CNTN5: variants seen among roughly 807,000 people sequenced by gnomAD.
CNTN5 encodes the protein contactin 5, also known as contactin-5.
Under a neutral mutation model 129.1 loss-of-function variants are expected in CNTN5, and 77 were observed. The ratio of observed to expected loss-of-function variants is 0.60; its 90% CI spans 0.50 to 0.72. The LOEUF (loss-of-function observed/expected upper bound fraction) is 0.72. Ranked by LOEUF, CNTN5 falls within the 30% of genes least tolerant of loss-of-function variation. CNTN5 has a pLI of 0.00. For synonymous variants in CNTN5, 509 were observed against 465.6 expected (o/e 1.09, Z -1.20); for missense variants, 1,478 against 1,328.8 (o/e 1.11, Z -1.75).
chr11:100,269,544 A>G (rs1950370306), intron 17 of CNTN5, among the ~76,000 whole-genome samples: 1 of 152,156 alleles, frequency 6.6e-6, no homozygotes, highest in Non-Finnish European at 1.5e-5. Context: ...TCTCCGTGAT[A>G]TCTTAAGAGG....
chr11:99,208,922 TTAC>T (rs1859620150), intron 1 of CNTN5, among the ~76,000 whole-genome samples: 1 of 152,132 alleles, frequency 6.6e-6, no homozygotes, highest in South Asian at 2.1e-4. Context: ...AGAAATTAAA[TTAC>T]TATTTATTGA....
chr11:100,345,565 G>T (rs1952261248), intron 23 of CNTN5, among the ~76,000 whole-genome samples: 1 of 135,094 alleles, frequency 7.4e-6, no homozygotes, highest in African/African-American at 3.0e-5. Context: ...CAGAAATTTT[G>T]CTAACAGATA....
At chr11:100,210,174 CAAAA>C (rs59613776) in intron 15 of CNTN5, among the ~76,000 whole-genome samples, 3 of 81,094 alleles carry the variant, frequency 3.7e-5, no homozygotes, top group Non-Finnish European at 2.8e-5. Context: ...TGCCTCTATA[CAAAA>C]AAAAAAAAAA....
intron 2 of CNTN5, among the ~76,000 whole-genome samples, chr11:99,536,611 C>T (rs1295949930): frequency 6.6e-6 from 1 of 151,902 alleles, no homozygotes; most frequent in Non-Finnish European, 1.5e-5. Flanking sequence ...TCCCTCATGC[C>T]TGGGGGAGGA....
At chr11:99,340,320 T>C (rs1866452293) in intron 2 of CNTN5, among the ~76,000 whole-genome samples, 3 of 152,144 alleles carry the variant, frequency 2.0e-5, no homozygotes, top group South Asian at 4.1e-4. Flanking sequence ...CTGAGTTGTC[T>C]GGAGATATAA....
At chr11:99,229,228 C>T (rs1223710844) in intron 1 of CNTN5, among the ~76,000 whole-genome samples, 4 of 152,078 alleles carry the variant, frequency 2.6e-5, no homozygotes, top group African/African-American at 9.6e-5. Flanking sequence ...TTTTTATCCA[C>T]ATACTGTACT....
chr11:99,451,695 A>G, intron 2 of CNTN5, among the ~76,000 whole-genome samples: 1 of 152,180 alleles, frequency 6.6e-6, no homozygotes, highest in East Asian at 1.9e-4. Context: ...TAAGATATTT[A>G]TGAATAATAT....
chr11:99,825,950 A>G (rs1208064596), intron 4 of CNTN5, among the ~76,000 whole-genome samples: 1 of 152,126 alleles, frequency 6.6e-6, no homozygotes, highest in Non-Finnish European at 1.5e-5. Flanking sequence ...TTTCTTTTCA[A>G]ATGTGCAAAA....
chr11:100,289,933 T>C lies in CNTN5; in HGVS notation c.2315-7692T>C, dbSNP rs1950915867. On this transcript the variant is annotated intron_variant, in intron 18 of 24. Coordinates refer to ENST00000524871, the MANE Select transcript of CNTN5 (RefSeq NM_014361.4). ...AAAGTCTCAGGATACAAAATCAATG[T>C]GCAAAAATCACAAGCATTCTTATAC... 2.6e-5 allele frequency among the ~76,000 whole-genome samples: 4 copies of C among 151,668 alleles called. No homozygotes were observed. The South Asian group carries it at 8.4e-4, about 32-fold the overall frequency.
intron 9 of CNTN5, among the ~76,000 whole-genome samples, chr11:100,049,114 CA>C (rs1165559822): frequency 6.6e-6 from 1 of 151,682 alleles, no homozygotes; most frequent in East Asian, 1.9e-4. Context: ...TAAAACTCCA[CA>C]AAAAAAGAGC....
In CNTN5 at chr11:99,213,348, TTA is replaced by T. The variant is rs541080264; in HGVS notation, c.-209-111992_-209-111991del. On this transcript the variant is annotated intron_variant, in intron 1 of 24. Transcript: ENST00000524871. ...TATAAATATATACATATATAAAATA[TTA>T]TATATGTGTATATATGTATATATGT... Among the ~76,000 whole-genome samples the T allele has an allele frequency of 9.3e-5, 12 of 129,312 alleles. No individual in the cohort carries two copies. The South Asian group carries it at 2.2e-3, about 24-fold the overall frequency. The allele number at this position is 129,312 out of a possible 152,430, so 84.8% of individuals were successfully genotyped here.
intron 3 of CNTN5, among the ~76,000 whole-genome samples, chr11:99,608,145 T>A (rs1453144995): frequency 6.7e-6 from 1 of 149,772 alleles, no homozygotes; most frequent in Non-Finnish European, 1.5e-5. Flanking sequence ...AAAACTTCTA[T>A]ACTGCCAATC....
intron 2 of CNTN5, among the ~76,000 whole-genome samples, chr11:99,531,668 C>T (rs931716411): frequency 3.3e-5 from 5 of 152,182 alleles, no homozygotes; most frequent in East Asian, 1.9e-4. Context: ...GTGTCCCAAC[C>T]GTTCCAGCCG....
chr11:99,452,348 T>C (rs1944333740), intron 2 of CNTN5, among the ~76,000 whole-genome samples: 1 of 151,430 alleles, frequency 6.6e-6, no homozygotes, highest in Admixed American at 6.6e-5. Context: ...AAGAAAAAAT[T>C]GAAGTTTATA....
intron 1 of CNTN5, among the ~76,000 whole-genome samples, chr11:99,158,893 T>G (rs1178025974): frequency 6.6e-6 from 1 of 152,136 alleles, no homozygotes; most frequent in Non-Finnish European, 1.5e-5. Flanking sequence ...CTTCAGTAAA[T>G]TATAAACATA....
intron 20 of CNTN5, among the ~76,000 whole-genome samples, chr11:100,300,997 T>C (rs1035896949): frequency 6.6e-6 from 1 of 151,560 alleles, no homozygotes. Flanking sequence ...CAAGAAATGA[T>C]AGTAAGTGAC....
At chr11:99,049,509 A>G (rs1249899833) in intron 1 of CNTN5, 2 of 152,130 alleles carry the variant, frequency 1.3e-5, no homozygotes, top group Admixed American at 1.3e-4. Flanking sequence ...TGAAATAAAT[A>G]AACGTTTAAA....
chr11:99,551,961 G>T (rs554088102), intron 2 of CNTN5, among the ~76,000 whole-genome samples: 1 of 149,694 alleles, frequency 6.7e-6, no homozygotes, highest in African/African-American at 2.5e-5. Context: ...AGGCTGGAGT[G>T]CAGTGGCACA....
chr11:99,331,077 A>G (rs1166155808), intron 2 of CNTN5, among the ~76,000 whole-genome samples: 2 of 152,054 alleles, frequency 1.3e-5, no homozygotes, highest in Non-Finnish European at 2.9e-5. Flanking sequence ...TCGATTTTCA[A>G]GAGTGTTAAG....
Sources: gnomAD v4.1 joint callset for allele counts (sites outside exome capture counted in the v4.1 genomes callset) on GRCh38, gnomAD v4.1.1 for gene constraint, MANE v1.5 for transcripts, NCBI Gene and HGNC (gene_info 2026-07-23, HGNC 2026-07-21) for gene names.